Variants in GRID1 observed in about 807,000 individuals in gnomAD.
The protein encoded by GRID1 is glutamate ionotropic receptor delta type subunit 1, also known as glutamate receptor ionotropic, delta-1.
Under a neutral mutation model 98.0 loss-of-function variants are expected in GRID1, and 28 were observed. That is an observed-to-expected ratio of 0.29 (90% CI 0.21 to 0.39). The LOEUF (loss-of-function observed/expected upper bound fraction) is 0.39, where lower values mean the gene tolerates loss of function less well. GRID1 is among the 10% of genes least tolerant of loss of function. The pLI, the probability that GRID1 is intolerant of heterozygous loss-of-function variation, is 1.00. For missense variants in GRID1, 1,111 were observed against 1,340.5 expected (o/e 0.83, Z 2.67); for synonymous variants, 553 against 538.5 (o/e 1.03, Z -0.37).
At chr10:85,862,608 C>T (rs1843174220) in intron 6 of GRID1, among the ~76,000 whole-genome samples, 1 of 152,146 alleles carries the variant, frequency 6.6e-6, no homozygotes. Flanking sequence ...CAGGAGAGAA[C>T]TCAGCCGTGA....
chr10:86,108,545 GTA>G (rs1353884909), intron 4 of GRID1, among the ~76,000 whole-genome samples: 1 of 152,134 alleles, frequency 6.6e-6, no homozygotes, highest in South Asian at 2.1e-4. Context: ...ACACAGACAT[GTA>G]TACACAATAT....
chr10:85,881,957 G>A (rs1462816065), intron 5 of GRID1, among the ~76,000 whole-genome samples: 1 of 152,046 alleles, frequency 6.6e-6, no homozygotes, highest in Admixed American at 6.6e-5. Context: ...TCAAAAAGTG[G>A]GCAAAGGATA....
chr10:86,123,956 G>A (rs1185905862), intron 4 of GRID1, among the ~76,000 whole-genome samples: 1 of 152,216 alleles, frequency 6.6e-6, no homozygotes, highest in Non-Finnish European at 1.5e-5. Context: ...GGCGGCCTGA[G>A]TGCAGGGAGC....
intron 12 of GRID1, among the ~76,000 whole-genome samples, chr10:85,662,115 C>G (rs1840971295): frequency 6.6e-6 from 1 of 152,178 alleles, no homozygotes; most frequent in Admixed American, 6.5e-5. Flanking sequence ...GTACCTGAAT[C>G]TTTGCACTGA....
At chr10:86,032,405 G>A (rs988349762) in intron 4 of GRID1, among the ~76,000 whole-genome samples, 9 of 152,210 alleles carry the variant, frequency 5.9e-5, no homozygotes, top group African/African-American at 1.9e-4. Flanking sequence ...GTGGGGAAAG[G>A]AAAGAGAAAT....
intron 6 of GRID1, among the ~76,000 whole-genome samples, chr10:85,868,782 CAGAGACACCCG>C (rs2131792864): frequency 6.6e-6 from 1 of 152,270 alleles, no homozygotes; most frequent in Non-Finnish European, 1.5e-5. Context: ...TTTTAAATAC[CAGAGACACCCG>C]GTGAGCCAAT....
chr10:85,918,194 A>G (rs1218247679), intron 4 of GRID1, among the ~76,000 whole-genome samples: 1 of 152,236 alleles, frequency 6.6e-6, no homozygotes, highest in Non-Finnish European at 1.5e-5. Context: ...AGTGGCTGGA[A>G]CACTGAACTG....
intron 4 of GRID1, among the ~76,000 whole-genome samples, chr10:86,128,888 G>T (rs1319708095): frequency 6.6e-6 from 1 of 152,130 alleles, no homozygotes; most frequent in Non-Finnish European, 1.5e-5. Context: ...TGTGAGAAAG[G>T]AAAAAGGAAA....
intron 3 of GRID1, among the ~76,000 whole-genome samples, chr10:86,183,861 T>C (rs1000511155): frequency 6.6e-6 from 1 of 152,230 alleles, no homozygotes; most frequent in African/African-American, 2.4e-5. Flanking sequence ...GTCAAACTGG[T>C]AGTGCATTTT....
intron 8 of GRID1, among the ~76,000 whole-genome samples, chr10:85,802,753 G>A (rs1014620794): frequency 1.3e-4 from 19 of 150,462 alleles, no homozygotes; most frequent in African/African-American, 4.6e-4. Context: ...CAAGAGGCAG[G>A]GCAGAACTGT....
At chr10:86,295,216 C>T (rs1304431704) in intron 2 of GRID1, among the ~76,000 whole-genome samples, 2 of 152,058 alleles carry the variant, frequency 1.3e-5, no homozygotes, top group African/African-American at 2.4e-5. Context: ...GTGGACCAAG[C>T]GCAGGAATCT....
intron 6 of GRID1, among the ~76,000 whole-genome samples, chr10:85,856,928 G>A (rs1331408871): frequency 6.6e-6 from 1 of 152,194 alleles, no homozygotes; most frequent in Non-Finnish European, 1.5e-5. Context: ...AAAGACTTAG[G>A]GACTTACTAA....
intron 4 of GRID1, among the ~76,000 whole-genome samples, chr10:86,094,727 G>C (rs1414751069): frequency 6.6e-6 from 1 of 152,050 alleles, no homozygotes; most frequent in African/African-American, 2.4e-5. Flanking sequence ...CATGCTCATG[G>C]ATGGGTAGAA....
At chr10:85,887,131 G>C (rs528761116) in intron 5 of GRID1, among the ~76,000 whole-genome samples, 1 of 152,314 alleles carries the variant, frequency 6.6e-6, no homozygotes, top group South Asian at 2.1e-4. Flanking sequence ...CGTGATGACA[G>C]AATAACTCCC....
chr10:85,627,605 G>T (rs1027118950), intron 13 of GRID1, among the ~76,000 whole-genome samples: 2 of 152,140 alleles, frequency 1.3e-5, no homozygotes, highest in Admixed American at 6.5e-5. Flanking sequence ...GTTTCCTGCA[G>T]CTCAGCAAGC....
Position 85,632,244 on chromosome 10 carries a change from C to T in GRID1, c.2194-12211G>A, listed in dbSNP as rs368623602. 4.2e-4 allele frequency among the ~76,000 whole-genome samples: 64 copies of T among 152,316 alleles called. No individual in the cohort carries two copies. In the South Asian group the frequency reaches 0.013, roughly 31 times the overall value. On this transcript the variant is annotated intron_variant, in intron 13 of 15. Coordinates refer to ENST00000327946, the MANE Select transcript of GRID1 (RefSeq NM_017551.3). Reference sequence around the variant, plus strand: ...TCCACCCTTTTCCACCCTGAAGTCTCTTCCAGAGGCTTCACAGACAGCATC... The same window carrying T: ...TCCACCCTTTTCCACCCTGAAGTCTTTTCCAGAGGCTTCACAGACAGCATC...
At chr10:86,225,147 G>C (rs967559020) in intron 2 of GRID1, among the ~76,000 whole-genome samples, 6 of 152,204 alleles carry the variant, frequency 3.9e-5, no homozygotes, top group Non-Finnish European at 8.8e-5. Flanking sequence ...AAGACAGAGG[G>C]GCGGGGAGGA....
At chr10:86,009,351 G>T (rs1564648849) in intron 4 of GRID1, among the ~76,000 whole-genome samples, 1 of 152,196 alleles carries the variant, frequency 6.6e-6, no homozygotes, top group Non-Finnish European at 1.5e-5. Flanking sequence ...TTAAATGGCA[G>T]AGGCTGGGGG....
chr10:85,937,414 C>T (rs1841941550), intron 4 of GRID1, among the ~76,000 whole-genome samples: 1 of 152,176 alleles, frequency 6.6e-6, no homozygotes, highest in African/African-American at 2.4e-5. Flanking sequence ...TTCAAAATAC[C>T]CACCTGTGTT....
Sources: gnomAD v4.1 joint callset for allele counts (sites outside exome capture counted in the v4.1 genomes callset) on GRCh38, gnomAD v4.1.1 for gene constraint, MANE v1.5 for transcripts, NCBI Gene and HGNC (gene_info 2026-07-23, HGNC 2026-07-21) for gene names.